The following LCE5A variants were observed in gnomAD, a reference collection of about 807,000 sequenced individuals.
The protein encoded by LCE5A is late cornified envelope 5A, also known as late cornified envelope protein 5A.
For synonymous variants in LCE5A, 51 were observed against 54.2 expected, an observed-to-expected ratio of 0.94 and a Z score of 0.26; for missense variants, 139 against 147.2, an observed-to-expected ratio of 0.94 and a Z score of 0.29.
In LCE5A at chr1:152,512,107, T is replaced by C; in HGVS notation, c.*216T>C. ...GGCTTTCCCTCTCAGACATAGCTCT[T>C]TGGAGAACTAGGTGTTGTAATTCAG... On this transcript the variant is annotated 3_prime_UTR_variant, in exon 2 of 2. Transcript: ENST00000334269. 4 of 571,200 alleles carry C rather than the reference T, an allele frequency of 7.0e-6. No homozygotes were observed. Among genetic ancestry groups the C allele is most frequent in the Non-Finnish European group, 1.3e-5 (4 of 317,244 alleles). The allele number at this position is 571,200 out of a possible 1,614,324, so 35.4% of individuals were successfully genotyped here.
In LCE5A at chr1:152,511,839, G is replaced by A. The variant is rs1658592884; in HGVS notation, c.305G>A (p.Cys102Tyr). 1 of 1,613,534 alleles carries A rather than the reference G, an allele frequency of 6.2e-7. No individual in the cohort carries two copies. The highest frequency in any genetic ancestry group is 1.1e-5 in the South Asian group (1 of 91,050). The change falls in exon 2 of 2, where the codon TGC (cysteine) becomes TAC (tyrosine). Residue 102 changes from cysteine to tyrosine, a missense_variant. Cys to Tyr is a radical substitution (Grantham distance 194, BLOSUM62 -2). Transcript: ENST00000334269. ...SGQQSGGSSC[C>Y]HSSGGSGCCH... is the part of the protein sequence containing the mutation. The stretch of plus-strand genomic sequence containing the variant: ...CAGCAGTCTGGGGGCTCCAGCTGCT[G>A]CCACAGCTCTGGGGGCTCTGGCTGC...
rs761868191 is a variant in LCE5A, at chr1:152,511,727, G to A, written c.193G>A (p.Gly65Ser). 9.3e-6 allele frequency: 15 copies of A among 1,613,856 alleles called. No individual in the cohort carries two copies. In the Admixed American group the frequency reaches 1.2e-4, roughly 13 times the overall value. ...SSGGCCSSEG[G>S]GCCLSHHRPR... ...TGGGGGCTGCTGCAGCTCTGAGGGT[G>A]GTGGCTGCTGCCTGAGCCACCACAG... is the stretch of plus-strand genomic sequence containing the variant. Residue 65 changes from glycine to serine, a missense_variant, in exon 2 of 2, where the codon GGT becomes AGT. Gly to Ser is a moderately conservative substitution (Grantham distance 56). Coordinates refer to ENST00000334269, the MANE Select transcript of LCE5A (RefSeq NM_178438.5).
chr1:152,511,347 G>C (rs1011927566), intron 1 of LCE5A, among the ~76,000 whole-genome samples, 167 bp from the exon 2 acceptor site: 10 of 152,102 alleles, frequency 6.6e-5, no homozygotes, highest in Non-Finnish European at 1.0e-4. Flanking sequence ...GCAGTGAGCC[G>C]AGATAGCACC....
chr1:152,511,647 C>A lies in LCE5A; in HGVS notation c.113C>A (p.Pro38His). 1 of 1,614,124 alleles carries A rather than the reference C, an allele frequency of 6.2e-7. No homozygotes were observed. Among genetic ancestry groups the A allele is most frequent in the Non-Finnish European group, 8.5e-7 (1 of 1,180,012 alleles). The stretch of plus-strand genomic sequence containing the variant: ...CCCAAGTGTCCCCCAAAATGCCCTC[C>A]CCAGTGTTCAGCCCCATGCCCACCT... ...CPPKCPPKCPPQCSAPCPPPV... is the reference protein window; with the variant it reads ...CPPKCPPKCPHQCSAPCPPPV... The change falls in exon 2 of 2, where the codon CCC (proline) becomes CAC (histidine). Residue 38 changes from proline to histidine, a missense_variant. Transcript: ENST00000334269.
At chr1:152,511,212 C>A (rs1212059867) in intron 1 of LCE5A, among the ~76,000 whole-genome samples, 1 of 151,966 alleles carries the variant, frequency 6.6e-6, no homozygotes, top group South Asian at 2.1e-4. Flanking sequence ...GTCAAGAGGT[C>A]AGGAGTTCGA....
At chr1:152,511,413 T>A in intron 1 of LCE5A, 101 bp from the exon 2 acceptor site, 1 of 775,348 alleles carries the variant, frequency 1.3e-6, no homozygotes, top group Non-Finnish European at 2.1e-6. Flanking sequence ...ATAATAATAA[T>A]CATAATAATA....
chr1:152,511,534 G>A lies in LCE5A; in HGVS notation c.-1G>A. 6.2e-7 allele frequency: 1 copy of A among 1,613,786 alleles called. No homozygotes were observed. The highest frequency in any genetic ancestry group is 1.6e-4 in the Middle Eastern group (1 of 6,062). ...TTCAGCTTTATTCAGCTTCTACAGA[G>A]ATGTCCTGCCAGCAGAGCCAGCAGC... On this transcript the variant is annotated 5_prime_UTR_variant, in exon 2 of 2. Coordinates refer to ENST00000334269, the MANE Select transcript of LCE5A (RefSeq NM_178438.5).
Position 152,511,781 on chromosome 1 carries a change from C to G in LCE5A, c.247C>G (p.Gln83Glu). The G allele has an allele frequency of 1.2e-6, 2 of 1,613,978 alleles. No individual in the cohort carries two copies. The highest frequency in any genetic ancestry group is 2.2e-5 in the South Asian group (2 of 91,078). The change falls in exon 2 of 2, where the codon CAG becomes GAG. Residue 83 changes from glutamine (Q) to glutamate (E), a missense_variant. By Grantham distance (29) the Gln-to-Glu change is conservative. Coordinates refer to ENST00000334269, the MANE Select transcript of LCE5A (RefSeq NM_178438.5). ...CCGCCAGTCCCTCCGACGCCGACCT[C>G]AGAGTTCCAGCTGCTGTGGCAGTGG... is the stretch of plus-strand genomic sequence containing the variant. ...RPRQSLRRRP[Q>E]SSSCCGSGSG...
chr1:152,511,156 G>C (rs1658556870), intron 1 of LCE5A, among the ~76,000 whole-genome samples, 158 bp downstream of exon 1: 1 of 152,176 alleles, frequency 6.6e-6, no homozygotes, highest in Non-Finnish European at 1.5e-5. Flanking sequence ...CAGGAGTAGT[G>C]GCTCATGCCT....
chr1:152,511,757 C>T lies in LCE5A; in HGVS notation c.223C>T (p.Arg75Cys), dbSNP rs141558025. 2.1e-4 allele frequency: 343 copies of T among 1,613,786 alleles called. No individual in the cohort carries two copies. Among genetic ancestry groups the T allele is most frequent in the Middle Eastern group, 3.3e-4 (2 of 6,084 alleles). ...CTGCTGCCTGAGCCACCACAGGCCCCGCCAGTCCCTCCGACGCCGACCTCA... is the reference window on the plus strand; with the variant it reads ...CTGCTGCCTGAGCCACCACAGGCCCTGCCAGTCCCTCCGACGCCGACCTCA... ...GGCCLSHHRP[R>C]QSLRRRPQSS... is the part of the protein sequence containing the mutation. Residue 75 changes from arginine (R) to cysteine (C), a missense_variant, in exon 2 of 2, where the codon CGC becomes TGC. Coordinates refer to ENST00000334269, the MANE Select transcript of LCE5A (RefSeq NM_178438.5).
rs370167886 is a variant in LCE5A, at chr1:152,511,543, C to T, written c.9C>T (p.Cys3=). ...ATTCAGCTTCTACAGAGATGTCCTG[C>T]CAGCAGAGCCAGCAGCAGTGCCAGC... MS[C]QQSQQQCQPP... is the part of the protein sequence containing the mutation. Residue 3 remains cysteine (C), a synonymous_variant, in exon 2 of 2, where the codon TGC becomes TGT. Transcript: ENST00000334269. 11 of 1,613,944 alleles carry T rather than the reference C, an allele frequency of 6.8e-6. No individual in the cohort carries two copies. The East Asian group carries it at 2.0e-4, about 29-fold the overall frequency.
In LCE5A at chr1:152,511,414, C is replaced by T. The variant is rs546981311; in HGVS notation, c.-21-100C>T. ...CTCCATCCCAAATAATAATAATAATCATAATAATAAATTCTGGTCATCTTA... is the reference window on the plus strand; with the variant it reads ...CTCCATCCCAAATAATAATAATAATTATAATAATAAATTCTGGTCATCTTA... On this transcript the variant is annotated intron_variant, in intron 1 of 1. Transcript: ENST00000334269. 7.4e-4 allele frequency: 577 copies of T among 779,734 alleles called. 2 individuals are homozygous for T. The highest frequency in any genetic ancestry group is 1.0e-3 in the Non-Finnish European group (476 of 472,176). 48.3% of individuals were successfully genotyped at this position (779,734 alleles called of 1,614,324 possible).
rs1279932065 is a variant in LCE5A at position 152,511,637 on chromosome 1, A to C, written c.103A>C (p.Lys35Gln). ...TPKCPPKCPP[K>Q]CPPQCSAPCP... Reference sequence around the variant, plus strand: ...TAAGTGTCCTCCCAAGTGTCCCCCAAAATGCCCTCCCCAGTGTTCAGCCCC... The same window carrying C: ...TAAGTGTCCTCCCAAGTGTCCCCCACAATGCCCTCCCCAGTGTTCAGCCCC... Residue 35 changes from lysine (K) to glutamine (Q), a missense_variant, in exon 2 of 2, where the codon AAA (lysine) becomes CAA (glutamine). Coordinates refer to ENST00000334269, the MANE Select transcript of LCE5A (RefSeq NM_178438.5). 5.6e-6 allele frequency: 9 copies of C among 1,613,986 alleles called. No homozygotes were observed. Among genetic ancestry groups the C allele is most frequent in the Non-Finnish European group, 7.6e-6 (9 of 1,179,956 alleles).
chr1:152,511,617 G>A lies in LCE5A; in HGVS notation c.83G>A (p.Cys28Tyr). 1.2e-6 allele frequency: 2 copies of A among 1,614,056 alleles called. No individual in the cohort carries two copies. The highest frequency in any genetic ancestry group is 1.7e-6 in the Non-Finnish European group (2 of 1,180,002). The change falls in exon 2 of 2, where the codon TGT becomes TAT. Residue 28 changes from cysteine (C) to tyrosine (Y), a missense_variant. By Grantham distance (194) the Cys-to-Tyr change is radical (BLOSUM62 -2). Transcript: ENST00000334269. ...PKCPPKCTPK[C>Y]PPKCPPKCPP... is the part of the protein sequence containing the mutation. ...TGCCCTCCCAAGTGTACTCCTAAGT[G>A]TCCTCCCAAGTGTCCCCCAAAATGC... is the stretch of plus-strand genomic sequence containing the variant.
chr1:152,511,389 C>T, intron 1 of LCE5A, 125 bp from the exon 2 acceptor site: 1 of 700,714 alleles, frequency 1.4e-6, no homozygotes, highest in Non-Finnish European at 2.4e-6. Flanking sequence ...CAGAGTGAGA[C>T]TCCATCCCAA....
In LCE5A at chr1:152,511,613, A is replaced by C. The variant is rs368059097; in HGVS notation, c.79A>C (p.Lys27Gln). Residue 27 changes from lysine to glutamine, a missense_variant, in exon 2 of 2, where the codon AAG (lysine) becomes CAG (glutamine). By Grantham distance (53) the Lys-to-Gln change is moderately conservative. Coordinates refer to ENST00000334269, the MANE Select transcript of LCE5A (RefSeq NM_178438.5). Reference sequence around the variant, plus strand: ...TAAATGCCCTCCCAAGTGTACTCCTAAGTGTCCTCCCAAGTGTCCCCCAAA... The same window carrying C: ...TAAATGCCCTCCCAAGTGTACTCCTCAGTGTCCTCCCAAGTGTCCCCCAAA... ...TPKCPPKCTP[K>Q]CPPKCPPKCP... 2 of 1,613,854 alleles carry C rather than the reference A, an allele frequency of 1.2e-6. No homozygotes were observed. Among genetic ancestry groups the C allele is most frequent in the Non-Finnish European group, 1.7e-6 (2 of 1,180,002 alleles).
At position 152,511,924 on chromosome 1, in the gene LCE5A, T is replaced by C; in HGVS notation, c.*33T>C. The C allele has an allele frequency of 1.3e-6, 2 of 1,562,340 alleles. No homozygotes were observed. The highest frequency in any genetic ancestry group is 1.7e-6 in the Non-Finnish European group (2 of 1,151,768). ...CATGAGGAGCACGGAGGAGAAGGAC[T>C]GGCAGATCCCAGGTGCTGAAGATGT... On this transcript the variant is annotated 3_prime_UTR_variant, in exon 2 of 2. Coordinates refer to ENST00000334269, the MANE Select transcript of LCE5A (RefSeq NM_178438.5).
At chr1:152,511,091 A>T in intron 1 of LCE5A, 93 bp downstream of exon 1, 1 of 157,160 alleles carries the variant, frequency 6.4e-6, no homozygotes. Context: ...CATTTGTATC[A>T]TTCTTGTTAC....
chr1:152,511,182 T>C (rs933715066), intron 1 of LCE5A, among the ~76,000 whole-genome samples, 184 bp downstream of exon 1: 3 of 152,084 alleles, frequency 2.0e-5, no homozygotes, highest in East Asian at 1.9e-4. Context: ...CCCAGCACTT[T>C]GGGAGGCTGA....
Sources: allele counts gnomAD v4.1 joint callset (sites outside exome capture counted in the v4.1 genomes callset), GRCh38; gene constraint gnomAD v4.1.1; transcripts MANE v1.5; gene names NCBI Gene and HGNC (gene_info 2026-07-23, HGNC 2026-07-21).